DACH2: variants seen among roughly 807,000 people sequenced by gnomAD.
The protein encoded by DACH2 is dachshund homolog 2.
A neutral mutation model predicts 35.8 loss-of-function variants in DACH2; 17 were observed. The observed-to-expected ratio is 0.48, with a 90% CI of 0.33 to 0.71. The LOEUF (loss-of-function observed/expected upper bound fraction) is 0.71, where lower values mean the gene tolerates loss of function less well. Among genes scored for constraint, DACH2 ranks in the 30% least tolerant of loss-of-function variants. The probability of loss-of-function intolerance (pLI) is 0.02; values close to 1 mark genes in which losing one functional copy is unlikely to be tolerated. For synonymous variants in DACH2, 195 were observed against 177.3 expected, an observed-to-expected ratio of 1.10 and a Z score of -0.79; for missense variants, 469 against 472.7, an observed-to-expected ratio of 0.99 and a Z score of 0.07.
At chrX:86,195,060 C>T (rs2031941118) in intron 1 of DACH2, among the ~76,000 whole-genome samples, 1 of 112,984 alleles carries the variant, frequency 8.9e-6, no homozygotes, top group Admixed American at 9.3e-5. Context: ...AGTCCTCCTG[C>T]TCCTTCCCCA....
At chrX:86,452,140 A>G (rs972111462) in intron 2 of DACH2, among the ~76,000 whole-genome samples, 2 of 111,881 alleles carry the variant, frequency 1.8e-5, no homozygotes, top group Admixed American at 1.9e-4. Context: ...ATTGATTTGC[A>G]TATGTGAAAC....
intron 2 of DACH2, among the ~76,000 whole-genome samples, chrX:86,439,908 C>G (rs779473295): frequency 1.8e-5 from 2 of 110,996 alleles, no homozygotes; most frequent in Non-Finnish European, 3.8e-5. Flanking sequence ...TGTTTAATCT[C>G]CAAGTATTCT....
At chrX:86,626,260 A>G (rs1164725508) in intron 3 of DACH2, among the ~76,000 whole-genome samples, 3 of 112,446 alleles carry the variant, frequency 2.7e-5, no homozygotes, top group Non-Finnish European at 5.6e-5. Context: ...CTCTTAAATG[A>G]TCTCCTTTGA....
chrX:86,320,255 A>G (rs1018078955), intron 1 of DACH2, among the ~76,000 whole-genome samples: 1 of 112,401 alleles, frequency 8.9e-6, no homozygotes, highest in African/African-American at 3.2e-5. Context: ...GAAGAGAAAA[A>G]CATAAAGCCT....
intron 5 of DACH2, among the ~76,000 whole-genome samples, chrX:86,700,851 G>T (rs1188331834): frequency 9.0e-6 from 1 of 111,556 alleles, no homozygotes; most frequent in East Asian, 2.8e-4. Context: ...AATTGAAGCA[G>T]TAATAAAAAG....
At chrX:86,324,624 G>A (rs2035077699) in intron 1 of DACH2, among the ~76,000 whole-genome samples, 1 of 87,279 alleles carries the variant, frequency 1.1e-5, no homozygotes, top group Non-Finnish European at 2.1e-5. Context: ...TGTGGCCCAG[G>A]CTGGAGTGCA....
chrX:86,261,542 G>C (rs2033625315), intron 1 of DACH2, among the ~76,000 whole-genome samples: 1 of 111,581 alleles, frequency 9.0e-6, no homozygotes, highest in African/African-American at 3.3e-5. Flanking sequence ...ATTTTATGTG[G>C]AGACATCTTC....
At chrX:86,368,468 C>A (rs945243987) in intron 1 of DACH2, among the ~76,000 whole-genome samples, 1 of 110,884 alleles carries the variant, frequency 9.0e-6, no homozygotes, top group African/African-American at 3.3e-5. Context: ...ATAAATATGG[C>A]CTCTATGGGA....
At chrX:86,294,603 G>T (rs777507744) in intron 1 of DACH2, among the ~76,000 whole-genome samples, 5 of 109,257 alleles carry the variant, frequency 4.6e-5, no homozygotes, top group African/African-American at 1.3e-4. Flanking sequence ...TGGGTTTTTG[G>T]TGTGGATGTC....
chrX:86,637,426 A>G (rs1320818816), intron 3 of DACH2, among the ~76,000 whole-genome samples: 3 of 109,831 alleles, frequency 2.7e-5, no homozygotes, highest in Non-Finnish European at 3.8e-5. Context: ...TATTATGCCC[A>G]AAGACATTTG....
intron 2 of DACH2, among the ~76,000 whole-genome samples, chrX:86,490,388 T>A (rs7063792): frequency 1.8e-5 from 2 of 111,057 alleles, no homozygotes; most frequent in African/African-American, 6.6e-5. Context: ...CCACTACTGA[T>A]CCTTGTGCTG....
chrX:86,339,745 T>C (rs1264619455), intron 1 of DACH2, among the ~76,000 whole-genome samples: 2 of 111,594 alleles, frequency 1.8e-5, no homozygotes, highest in Non-Finnish European at 3.8e-5. Context: ...AATCAGAAAA[T>C]GGAAGGAAAA....
At chrX:86,425,510 G>A (rs1265060142) in intron 2 of DACH2, among the ~76,000 whole-genome samples, 9 of 109,792 alleles carry the variant, frequency 8.2e-5, no homozygotes, top group African/African-American at 1.3e-4. Context: ...GAGTTTCTGT[G>A]GTATCATTTG....
chrX:86,593,398 TTTTTATTTTATTTTATTTTA>T (rs199630866), intron 3 of DACH2, among the ~76,000 whole-genome samples: 7 of 91,466 alleles, frequency 7.7e-5, no homozygotes, highest in Admixed American at 4.5e-4. Flanking sequence ...TATATATATT[TTTTTATTTTATTTTATTTTA>T]TTTTATTTTA....
At chrX:86,768,169 G>A (rs2041954069) in intron 7 of DACH2, among the ~76,000 whole-genome samples, 1 of 111,270 alleles carries the variant, frequency 9.0e-6, no homozygotes, top group Non-Finnish European at 1.9e-5. Context: ...GTCATTTGCA[G>A]GATAGATTAG....
chrX:86,417,300 T>C (rs572023029), intron 2 of DACH2, among the ~76,000 whole-genome samples: 5 of 111,004 alleles, frequency 4.5e-5, no homozygotes, highest in African/African-American at 1.6e-4. Context: ...ATCCAAACTA[T>C]ATTGAAGAGC....
intron 3 of DACH2, among the ~76,000 whole-genome samples, chrX:86,629,988 G>A (rs1272458683): frequency 8.9e-6 from 1 of 111,760 alleles, no homozygotes. Flanking sequence ...AAGAAATCCT[G>A]ATATCAATAT....
At position 86,217,209 on chromosome X, in the gene DACH2, G is replaced by A. The variant is rs779336038; in HGVS notation, c.488+68101G>A. Among the ~76,000 whole-genome samples, 6 of 110,103 alleles carry A rather than the reference G, an allele frequency of 5.4e-5. No homozygotes were observed. The South Asian group carries it at 1.9e-3, about 35-fold the overall frequency. ...CTTTCAATAATGCATAATAAAAGAA[G>A]CATAGAAAGGAACAGAAAGTACAGA... is the stretch of plus-strand genomic sequence containing the variant. On this transcript the variant is annotated intron_variant, in intron 1 of 11. Transcript: ENST00000373125.
At chrX:86,370,965 G>A (rs1569366643) in intron 1 of DACH2, among the ~76,000 whole-genome samples, 1 of 111,129 alleles carries the variant, frequency 9.0e-6, no homozygotes, top group Non-Finnish European at 1.9e-5. Context: ...TTTTTAAAAT[G>A]AACATTGCCT....
Sources: gnomAD v4.1 joint callset for allele counts (sites outside exome capture counted in the v4.1 genomes callset) on GRCh38, gnomAD v4.1.1 for gene constraint, MANE v1.5 for transcripts, NCBI Gene and HGNC (gene_info 2026-07-23, HGNC 2026-07-21) for gene names.